Variants in WDPCP observed in about 807,000 individuals in gnomAD.
WDPCP encodes the protein WD repeat-containing and planar cell polarity effector protein fritz homolog.
WDPCP carries 71 observed loss-of-function variants against 93.1 expected under a neutral mutation model. That is an observed-to-expected ratio of 0.76 (90% CI 0.63 to 0.93). The LOEUF (loss-of-function observed/expected upper bound fraction) is 0.93. Ranked by LOEUF, WDPCP falls within the 40% of genes least tolerant of loss-of-function variation. WDPCP has a pLI of 0.00. For missense variants in WDPCP, 844 were observed against 887.4 expected (o/e 0.95, Z 0.62); for synonymous variants, 315 against 315.0 (o/e 1.00, Z 0.00).
chr2:63,297,967 G>A (rs7591562), intron 13 of WDPCP, among the ~76,000 whole-genome samples: 121,846 of 152,098 alleles, frequency 0.8, 49,672 homozygotes, highest in East Asian at 0.96. Flanking sequence ...TCAACTTGCA[G>A]CTCTATCTAT....
At chr2:63,359,036 T>C (rs757533376) in intron 12 of WDPCP, among the ~76,000 whole-genome samples, 1 of 152,154 alleles carries the variant, frequency 6.6e-6, no homozygotes, top group Non-Finnish European at 1.5e-5. Flanking sequence ...TATACCTATC[T>C]CTTCTCCCTG....
intron 9 of WDPCP, among the ~76,000 whole-genome samples, chr2:63,433,369 A>C (rs1209700614): frequency 6.6e-6 from 1 of 152,268 alleles, no homozygotes; most frequent in African/African-American, 2.4e-5. Flanking sequence ...AACAAGAGTC[A>C]TAACAGTGAA....
chr2:63,140,181 T>C (rs1670952130), intron 17 of WDPCP, among the ~76,000 whole-genome samples: 1 of 152,200 alleles, frequency 6.6e-6, no homozygotes, highest in Non-Finnish European at 1.5e-5. Flanking sequence ...TATGCCTATT[T>C]TTATACCAGT....
chr2:63,282,836 C>T (rs1189009136), intron 13 of WDPCP, among the ~76,000 whole-genome samples: 1 of 152,086 alleles, frequency 6.6e-6, no homozygotes, highest in East Asian at 1.9e-4. Flanking sequence ...ATATTCATGT[C>T]CTTTATATAA....
At chr2:63,545,005 A>G (rs180754586) in intron 1 of WDPCP, among the ~76,000 whole-genome samples, 16 of 152,324 alleles carry the variant, frequency 1.1e-4, no homozygotes, top group Non-Finnish European at 1.5e-5. Flanking sequence ...GTTAAAACTA[A>G]GAATTCATAA....
At chr2:63,407,038 A>G (rs1694644605) in intron 9 of WDPCP, among the ~76,000 whole-genome samples, 1 of 152,156 alleles carries the variant, frequency 6.6e-6, no homozygotes, top group South Asian at 2.1e-4. Context: ...CTAATAGCAA[A>G]AACAGAGGCA....
rs1036329493 is a variant in WDPCP, at chr2:63,317,913, A to T, written c.1749-4602T>A. 2.0e-5 allele frequency among the ~76,000 whole-genome samples: 3 copies of T among 152,162 alleles called. No individual in the cohort carries two copies. In the East Asian group the frequency reaches 5.8e-4, roughly 29 times the overall value. On this transcript the variant is annotated intron_variant, in intron 12 of 17. Transcript: ENST00000272321. Reference sequence around the variant, plus strand: ...CTGCAACAAAAACAAAAAATTCATGAATGGAAAGACCAATTAAACTAAAGA... The same window carrying T: ...CTGCAACAAAAACAAAAAATTCATGTATGGAAAGACCAATTAAACTAAAGA...
intron 13 of WDPCP, among the ~76,000 whole-genome samples, chr2:63,304,640 G>A (rs1450561911): frequency 6.6e-6 from 1 of 152,138 alleles, no homozygotes; most frequent in Non-Finnish European, 1.5e-5. Context: ...ACACCACCAG[G>A]GCCCTGGGTT....
chr2:63,134,796 A>G (rs1218347874), intron 17 of WDPCP, among the ~76,000 whole-genome samples: 1 of 152,000 alleles, frequency 6.6e-6, no homozygotes, highest in Admixed American at 6.6e-5. Flanking sequence ...ATTGCTGTGT[A>G]TCTCAGTTAA....
At chr2:63,271,548 C>T (rs1158997592) in intron 13 of WDPCP, among the ~76,000 whole-genome samples, 1 of 152,204 alleles carries the variant, frequency 6.6e-6, no homozygotes, top group South Asian at 2.1e-4. Context: ...TTGGGACTGA[C>T]TCATCCCATC....
intron 13 of WDPCP, among the ~76,000 whole-genome samples, chr2:63,304,720 A>G (rs1685589146): frequency 6.6e-6 from 1 of 152,064 alleles, no homozygotes; most frequent in Non-Finnish European, 1.5e-5. Context: ...TTCATACCCC[A>G]GTGGTGCCTG....
intron 14 of WDPCP, among the ~76,000 whole-genome samples, chr2:63,194,116 T>TATTA (rs1339941320): frequency 6.6e-6 from 1 of 152,224 alleles, no homozygotes; most frequent in Non-Finnish European, 1.5e-5. Flanking sequence ...AATGTTTTGA[T>TATTA]ATTATTTTTT....
At chr2:63,677,439 G>C (rs1331896406) in intron 2 of WDPCP, among the ~76,000 whole-genome samples, 1 of 151,944 alleles carries the variant, frequency 6.6e-6, no homozygotes, top group African/African-American at 2.4e-5. Flanking sequence ...AGTTAAAATA[G>C]CTATACAAAC....
In WDPCP at chr2:63,119,918, C is replaced by A. The variant is rs1278126487; in HGVS notation, c.*2088G>T. 6.6e-6 allele frequency among the ~76,000 whole-genome samples: 1 copy of A among 152,160 alleles called. No individual in the cohort carries two copies. The highest frequency in any genetic ancestry group is 2.4e-5 in the African/African-American group (1 of 41,432). On this transcript the variant is annotated 3_prime_UTR_variant, in exon 18 of 18. Transcript: ENST00000272321. ...ATCATTCATAATATATTCTTACTAT[C>A]TAAACTTGGTTTTCTGTACATTTAA...
intron 2 of WDPCP, among the ~76,000 whole-genome samples, chr2:63,491,419 G>C (rs980771240): frequency 6.6e-6 from 1 of 152,136 alleles, no homozygotes; most frequent in African/African-American, 2.4e-5. Flanking sequence ...ATCAGCCAAG[G>C]ACTGGGGTAT....
intron 3 of WDPCP, among the ~76,000 whole-genome samples, chr2:63,636,070 A>T (rs183278571): frequency 6.6e-6 from 1 of 152,192 alleles, no homozygotes; most frequent in African/African-American, 2.4e-5. Flanking sequence ...TCAACAAGGA[A>T]CTATCCAAAA....
At chr2:63,425,158 C>G (rs936378162) in intron 9 of WDPCP, among the ~76,000 whole-genome samples, 1 of 152,154 alleles carries the variant, frequency 6.6e-6, no homozygotes, top group Non-Finnish European at 1.5e-5. Flanking sequence ...AGAAACAAAG[C>G]CTATTGACTA....
intron 9 of WDPCP, among the ~76,000 whole-genome samples, chr2:63,407,672 C>T (rs1694693309): frequency 6.6e-6 from 1 of 152,172 alleles, no homozygotes; most frequent in South Asian, 2.1e-4. Flanking sequence ...TTCTTGGATT[C>T]CTTCTAGCTT....
intron 6 of WDPCP, among the ~76,000 whole-genome samples, chr2:63,452,415 A>G (rs926348052): frequency 6.6e-5 from 10 of 152,216 alleles, no homozygotes; most frequent in African/African-American, 2.4e-4. Flanking sequence ...AAGAAGAACT[A>G]CAAACCACTA....
Sources: gnomAD v4.1 joint callset for allele counts (sites outside exome capture counted in the v4.1 genomes callset) on GRCh38, gnomAD v4.1.1 for gene constraint, MANE v1.5 for transcripts, NCBI Gene and HGNC (gene_info 2026-07-23, HGNC 2026-07-21) for gene names.